Variants in OCA2 observed in about 807,000 individuals in gnomAD.
OCA2 encodes the protein OCA2 melanosomal transmembrane protein, also known as P protein.
OCA2 carries 77 observed loss-of-function variants against 100.2 expected under a neutral mutation model. That is an observed-to-expected ratio of 0.77 (90% CI 0.64 to 0.93). OCA2 has a LOEUF of 0.93. Among genes scored for constraint, OCA2 ranks in the 40% least tolerant of loss-of-function variants. The pLI is 0.00. For missense variants in OCA2, 1,062 were observed against 1,089.1 expected (o/e 0.98, Z 0.35); for synonymous variants, 432 against 439.2 (o/e 0.98, Z 0.21).
At chr15:27,847,273 C>G (rs2035572001) in intron 22 of OCA2, among the ~76,000 whole-genome samples, 1 of 152,210 alleles carries the variant, frequency 6.6e-6, no homozygotes, top group South Asian at 2.1e-4. Context: ...TAAGGAGAAG[C>G]CTGGAGACAG....
At chr15:28,003,675 AGGTGTGT>A (rs1003552463) in intron 9 of OCA2, among the ~76,000 whole-genome samples, 1 of 149,728 alleles carries the variant, frequency 6.7e-6, no homozygotes, top group Non-Finnish European at 1.5e-5. Context: ...GCTGAGCCCG[AGGTGTGT>A]CAATGACACG....
At chr15:27,803,497 A>G (rs192528623) in intron 23 of OCA2, among the ~76,000 whole-genome samples, 2 of 152,192 alleles carry the variant, frequency 1.3e-5, no homozygotes, top group Admixed American at 6.5e-5. Context: ...AATGACAAAT[A>G]CTATATGATT....
At chr15:27,910,443 G>A (rs1347297044) in intron 19 of OCA2, among the ~76,000 whole-genome samples, 2 of 152,160 alleles carry the variant, frequency 1.3e-5, no homozygotes, top group African/African-American at 4.8e-5. Flanking sequence ...TATGTAGAAG[G>A]AAGGTTGAAT....
At chr15:27,722,354 C>A in the OCA2 span, among the ~76,000 whole-genome samples, 1 of 152,226 alleles carries the variant, frequency 6.6e-6, no homozygotes, top group Non-Finnish European at 1.5e-5. Context: ...CCAAGGTTTT[C>A]ATGACTGAGT....
intron 14 of OCA2, among the ~76,000 whole-genome samples, chr15:27,974,575 T>G (rs1430084087): frequency 6.6e-6 from 1 of 152,162 alleles, no homozygotes; most frequent in Non-Finnish European, 1.5e-5. Flanking sequence ...CAAGACCAGC[T>G]TGGGCAACAC....
At chr15:27,815,253 AC>A (rs935512311) in intron 23 of OCA2, among the ~76,000 whole-genome samples, 2 of 152,180 alleles carry the variant, frequency 1.3e-5, no homozygotes, top group Non-Finnish European at 2.9e-5. Context: ...GACTGGGCCA[AC>A]CCCGCTGTTC....
chr15:28,011,735 G>A (rs139168595), intron 9 of OCA2, among the ~76,000 whole-genome samples: 97 of 151,886 alleles, frequency 6.4e-4, no homozygotes, highest in African/African-American at 2.2e-3. Context: ...GGCCAACATG[G>A]TAAAACCCTG....
At chr15:27,748,374 G>A in the OCA2 span, among the ~76,000 whole-genome samples, 1 of 152,106 alleles carries the variant, frequency 6.6e-6, no homozygotes, top group Non-Finnish European at 1.5e-5. Context: ...ACACCAGGTG[G>A]CCTGACCTGG....
chr15:27,782,587 CA>C (rs1298006444), intron 23 of OCA2, among the ~76,000 whole-genome samples: 4 of 152,196 alleles, frequency 2.6e-5, no homozygotes, highest in Admixed American at 2.6e-4. Flanking sequence ...AATGCCCCCT[CA>C]AAACTGATTT....
rs529219961 is a variant in OCA2, at chr15:28,014,866, C to T, written c.954G>A (p.Met318Ile). The T allele has an allele frequency of 2.5e-4, 405 of 1,614,114 alleles. 4 individuals are homozygous for T. The South Asian group carries it at 4.2e-3, about 17-fold the overall frequency. The change falls in exon 9 of 24, where the codon ATG becomes ATA. Residue 318 changes from methionine to isoleucine, a missense_variant. By Grantham distance (10) the Met-to-Ile change is conservative (BLOSUM62 1). Transcript: ENST00000354638. Reference sequence around the variant, plus strand: ...CACTTCCGCGGAGGTACTGATGAGCCATCAAAAGAGGGACAGCCTGGGTCT... The same window carrying T: ...CACTTCCGCGGAGGTACTGATGAGCTATCAAAAGAGGGACAGCCTGGGTCT... ...LQQTQAVPLL[M>I]AHQYLRGSVE...
At chr15:27,764,246 G>C (rs1446564701) in intron 23 of OCA2, among the ~76,000 whole-genome samples, 1 of 151,766 alleles carries the variant, frequency 6.6e-6, no homozygotes, top group Non-Finnish European at 1.5e-5. Flanking sequence ...GGAGAAAGGA[G>C]AGGCAGGAGG....
chr15:27,749,902 A>G (rs1419856094), downstream of OCA2, among the ~76,000 whole-genome samples: 2 of 152,252 alleles, frequency 1.3e-5, no homozygotes, highest in Admixed American at 1.3e-4. Flanking sequence ...AAAATTGTCA[A>G]TTCTTCCCAA....
intron 19 of OCA2, among the ~76,000 whole-genome samples, chr15:27,901,775 A>C (rs2037945190): frequency 6.6e-6 from 1 of 152,238 alleles, no homozygotes; most frequent in Non-Finnish European, 1.5e-5. Flanking sequence ...ACAGAAATAC[A>C]TGCACATGTA....
chr15:27,926,362 A>G, intron 18 of OCA2, 108 bp from the exon 19 acceptor site: 4 of 1,176,186 alleles, frequency 3.4e-6, no homozygotes, highest in Non-Finnish European at 5.1e-6. Flanking sequence ...TTGTCATACT[A>G]CAAACCGCAT....
intron 14 of OCA2, among the ~76,000 whole-genome samples, chr15:27,982,484 T>C (rs938418890): frequency 1.3e-5 from 2 of 152,178 alleles, no homozygotes; most frequent in African/African-American, 4.8e-5. Flanking sequence ...CATGGCAAAG[T>C]TGGTGAAGTG....
At chr15:28,020,985 A>G (rs949546181) in intron 6 of OCA2, among the ~76,000 whole-genome samples, 1 of 152,214 alleles carries the variant, frequency 6.6e-6, no homozygotes, top group African/African-American at 2.4e-5. Flanking sequence ...TACAAAAACC[A>G]AGACTATGCA....
At chr15:27,986,357 C>A (rs760425241) in intron 12 of OCA2, among the ~76,000 whole-genome samples, 8 of 152,090 alleles carry the variant, frequency 5.3e-5, no homozygotes, top group African/African-American at 1.9e-4. Flanking sequence ...ACCTGAGTAC[C>A]CTTTTCCTTG....
At position 28,023,472 on chromosome 15, in the gene OCA2, C is replaced by T. The variant is rs2042655959; in HGVS notation, c.574-899G>A. Reference sequence around the variant, plus strand: ...CCTGCACGCACGCAGAGCCACAACACACATGCCACGCGTGCAGGTCACGAA... The same window carrying T: ...CCTGCACGCACGCAGAGCCACAACATACATGCCACGCGTGCAGGTCACGAA... On this transcript the variant is annotated intron_variant, in intron 5 of 23. Coordinates refer to ENST00000354638, the MANE Select transcript of OCA2 (RefSeq NM_000275.3). Among the ~76,000 whole-genome samples, 2 of 152,188 alleles carry T rather than the reference C, an allele frequency of 1.3e-5. 1 individual carries two copies. The highest frequency in any genetic ancestry group is 4.1e-4 in the South Asian group (2 of 4,836).
the OCA2 span, among the ~76,000 whole-genome samples, chr15:27,730,346 A>G: frequency 0.53 from 80,356 of 151,980 alleles, 22,712 homozygotes; most frequent in African/African-American, 0.69. Context: ...GAAGAGATGC[A>G]TAGTTCAAGA....
Sources: allele counts gnomAD v4.1 joint callset (sites outside exome capture counted in the v4.1 genomes callset), GRCh38; gene constraint gnomAD v4.1.1; transcripts MANE v1.5; gene names NCBI Gene and HGNC (gene_info 2026-07-23, HGNC 2026-07-21).